Variants in NAALADL2 observed in about 807,000 individuals in gnomAD.
The protein encoded by NAALADL2 is N-acetylated alpha-linked acidic dipeptidase like 2, also known as inactive N-acetylated-alpha-linked acidic dipeptidase-like protein 2.
NAALADL2 carries 76 observed loss-of-function variants against 87.2 expected under a neutral mutation model. That is an observed-to-expected ratio of 0.87 (90% CI 0.72 to 1.05). NAALADL2 has a LOEUF of 1.05. NAALADL2 is among the 50% of genes least tolerant of loss of function. The probability of loss-of-function intolerance (pLI) is 0.00; values close to 1 mark genes in which losing one functional copy is unlikely to be tolerated. For missense variants in NAALADL2, 1,089 were observed against 945.8 expected (o/e 1.15, Z -1.99); for synonymous variants, 354 against 331.0 (o/e 1.07, Z -0.75).
intron 1 of NAALADL2, among the ~76,000 whole-genome samples, chr3:174,860,703 A>C (rs934722266): frequency 6.6e-5 from 10 of 152,072 alleles, no homozygotes; most frequent in Admixed American, 6.6e-4. Flanking sequence ...CAGCGATCAA[A>C]ATAAACTAAG....
chr3:174,549,799 G>A (rs1021759119), intron 1 of NAALADL2, among the ~76,000 whole-genome samples: 2 of 152,020 alleles, frequency 1.3e-5, no homozygotes, highest in Admixed American at 6.5e-5. Flanking sequence ...AGGTCACATA[G>A]CCAATCTCTC....
chr3:175,524,102 T>A (rs1212994312), intron 9 of NAALADL2, among the ~76,000 whole-genome samples: 1 of 152,308 alleles, frequency 6.6e-6, no homozygotes, highest in Admixed American at 6.5e-5. Flanking sequence ...CCACACAGGC[T>A]TTGTCTTATA....
intron 2 of NAALADL2, among the ~76,000 whole-genome samples, chr3:175,099,321 C>T (rs1721719091): frequency 6.6e-6 from 1 of 152,164 alleles, no homozygotes; most frequent in Non-Finnish European, 1.5e-5. Flanking sequence ...TATGTCAAAG[C>T]TAGCTCTGAA....
chr3:174,797,853 A>T lies in NAALADL2; in HGVS notation c.-9+60107A>T, dbSNP rs1382807370. Among the ~76,000 whole-genome samples, 3 of 152,184 alleles carry T rather than the reference A, an allele frequency of 2.0e-5. No individual in the cohort carries two copies. In the East Asian group the frequency reaches 5.8e-4, roughly 29 times the overall value. On this transcript the variant is annotated intron_variant, in intron 3 of 3. Transcript: ENST00000434257. Reference sequence around the variant, plus strand: ...ATTTTTTTCATGTATTATTTGAAGCACAAATGTTGTAAATTTTGAAATAGT... The same window carrying T: ...ATTTTTTTCATGTATTATTTGAAGCTCAAATGTTGTAAATTTTGAAATAGT...
intron 1 of NAALADL2, among the ~76,000 whole-genome samples, chr3:175,076,270 G>A (rs111308912): frequency 0.025 from 3,836 of 150,920 alleles, 154 homozygotes; most frequent in African/African-American, 0.089. Flanking sequence ...AAGATTAGAT[G>A]AGATGTGAAA....
intron 3 of NAALADL2, among the ~76,000 whole-genome samples, chr3:174,791,842 T>C (rs1376826156): frequency 6.6e-6 from 1 of 152,170 alleles, no homozygotes. Context: ...CATTATTCTA[T>C]TCATTGAGGT....
chr3:175,751,868 T>G (rs1746665247), intron 12 of NAALADL2, among the ~76,000 whole-genome samples: 1 of 152,106 alleles, frequency 6.6e-6, no homozygotes, highest in African/African-American at 2.4e-5. Context: ...ATGGGGTTTT[T>G]GTAGGGCATA....
chr3:175,557,633 C>T (rs537721743), intron 9 of NAALADL2, among the ~76,000 whole-genome samples: 79 of 152,278 alleles, frequency 5.2e-4, no homozygotes, highest in African/African-American at 1.8e-3. Context: ...TTAGTTCCCA[C>T]AAATAAGTGA....
Position 175,256,491 on chromosome 3 carries a change from C to G in NAALADL2, c.900C>G (p.Ile300Met), listed in dbSNP as rs759640436. The G allele has an allele frequency of 2.5e-6, 4 of 1,612,668 alleles. No homozygotes were observed. In the East Asian group the frequency reaches 6.7e-5, roughly 27 times the overall value. ...AAATAAAAAACGTAACAAATCAGAT[C>G]GCACTCCTGAAATTAGGAAAATTGC... ...IRKIKNVTNQIALLKLGKLPL... is the reference protein window; with the variant it reads ...IRKIKNVTNQMALLKLGKLPL... The change falls in exon 4 of 14, where the codon ATC becomes ATG. Residue 300 changes from isoleucine to methionine, a missense_variant. Physicochemically the swap from Ile to Met is conservative, Grantham distance 10. Coordinates refer to ENST00000454872, the MANE Select transcript of NAALADL2 (RefSeq NM_207015.3).
intron 1 of NAALADL2, among the ~76,000 whole-genome samples, chr3:174,976,075 A>G (rs941319759): frequency 2.0e-5 from 3 of 152,240 alleles, no homozygotes; most frequent in Non-Finnish European, 2.9e-5. Flanking sequence ...ACAATTATGT[A>G]CTATAAATGC....
At chr3:174,753,717 C>A (rs1711573506) in intron 3 of NAALADL2, among the ~76,000 whole-genome samples, 1 of 152,102 alleles carries the variant, frequency 6.6e-6, no homozygotes, top group Non-Finnish European at 1.5e-5. Context: ...CCAGTGGTCA[C>A]CCTTTGTTTG....
chr3:175,698,503 A>ATATATATATAT (rs1491393693), intron 11 of NAALADL2, among the ~76,000 whole-genome samples: 3 of 141,338 alleles, frequency 2.1e-5, no homozygotes, highest in Non-Finnish European at 3.0e-5. Context: ...ATATATATAT[A>ATATATATATAT]AAATCTCCAA....
chr3:175,160,271 G>GT (rs1354358626), intron 2 of NAALADL2, among the ~76,000 whole-genome samples: 1 of 141,584 alleles, frequency 7.1e-6, no homozygotes, highest in Non-Finnish European at 1.5e-5. Context: ...GTTTAAATTT[G>GT]TTTTACAAGG....
At chr3:175,146,101 G>A (rs1730714809) in intron 2 of NAALADL2, among the ~76,000 whole-genome samples, 1 of 152,086 alleles carries the variant, frequency 6.6e-6, no homozygotes, top group South Asian at 2.1e-4. Context: ...TTACAGAATA[G>A]TAAAAAATCT....
At chr3:175,398,808 T>C (rs1444655660) in intron 5 of NAALADL2, among the ~76,000 whole-genome samples, 1 of 152,102 alleles carries the variant, frequency 6.6e-6, no homozygotes, top group Non-Finnish European at 1.5e-5. Context: ...TTATTTATTA[T>C]TGTATGAATA....
chr3:175,476,873 T>C (rs889127382), intron 9 of NAALADL2, among the ~76,000 whole-genome samples: 1 of 152,166 alleles, frequency 6.6e-6, no homozygotes, highest in African/African-American at 2.4e-5. Flanking sequence ...ATTTATTATT[T>C]TTGTCTTGAC....
chr3:174,881,857 T>A (rs941173364), intron 1 of NAALADL2, among the ~76,000 whole-genome samples: 1 of 152,110 alleles, frequency 6.6e-6, no homozygotes, highest in Admixed American at 6.6e-5. Flanking sequence ...AAGAGAGATA[T>A]ATGGAGAAAT....
At chr3:175,538,036 T>A (rs367856743) in intron 9 of NAALADL2, among the ~76,000 whole-genome samples, 3 of 152,300 alleles carry the variant, frequency 2.0e-5, no homozygotes, top group African/African-American at 7.2e-5. Context: ...TACATTTTGT[T>A]GAAGTTTTAT....
chr3:174,557,379 G>A (rs1391802620), intron 2 of NAALADL2, among the ~76,000 whole-genome samples: 3 of 151,928 alleles, frequency 2.0e-5, no homozygotes, highest in African/African-American at 7.3e-5. Context: ...AATATCTTTT[G>A]TAAAAACTTT....
Sources: allele counts gnomAD v4.1 joint callset (sites outside exome capture counted in the v4.1 genomes callset), GRCh38; gene constraint gnomAD v4.1.1; transcripts MANE v1.5; gene names NCBI Gene and HGNC (gene_info 2026-07-23, HGNC 2026-07-21).